Variants in CA10 observed in about 807,000 individuals in gnomAD.
CA10 encodes the protein carbonic anhydrase-related protein 10.
In CA10, 14 loss-of-function variants were observed where a neutral mutation model predicts 44.2. The ratio of observed to expected loss-of-function variants is 0.32; its 90% CI spans 0.21 to 0.50. CA10 has a LOEUF of 0.50. CA10 is among the 20% of genes least tolerant of loss of function. CA10 has a pLI of 0.99. For missense variants in CA10, 350 were observed against 409.7 expected (o/e 0.85, Z 1.26); for synonymous variants, 159 against 141.6 (o/e 1.12, Z -0.87).
In CA10 at chr17:51,895,659, A is replaced by C. The variant is rs143237011; in HGVS notation, c.279+35331T>G. ...AAGAGGCACAAAGTAAAAAATTAAC[A>C]ATCTGGAACCAAAATTCAAGATAAT... On this transcript the variant is annotated intron_variant, in intron 3 of 8. Coordinates refer to ENST00000451037, the MANE Select transcript of CA10 (RefSeq NM_020178.5). 2.7e-3 allele frequency among the ~76,000 whole-genome samples: 407 copies of C among 152,248 alleles called. 1 individual carries two copies. The highest frequency in any genetic ancestry group is 8.9e-3 in the African/African-American group (371 of 41,568).
chr17:51,676,281 G>C (rs1275617963), intron 4 of CA10, among the ~76,000 whole-genome samples: 1 of 152,210 alleles, frequency 6.6e-6, no homozygotes, highest in Admixed American at 6.5e-5. Flanking sequence ...AGTGTACTTG[G>C]AGGGTGAACA....
intron 3 of CA10, among the ~76,000 whole-genome samples, chr17:51,857,159 T>C (rs1335599873): frequency 6.6e-6 from 1 of 152,230 alleles, no homozygotes; most frequent in Non-Finnish European, 1.5e-5. Flanking sequence ...ATATATTCCA[T>C]GATAATATTT....
chr17:51,732,835 T>C (rs1916769180), intron 4 of CA10, among the ~76,000 whole-genome samples: 1 of 151,984 alleles, frequency 6.6e-6, no homozygotes. Context: ...CTGCCCTCTA[T>C]ATACACAGAA....
At chr17:52,009,924 C>A (rs1985726911) in intron 2 of CA10, among the ~76,000 whole-genome samples, 1 of 151,806 alleles carries the variant, frequency 6.6e-6, no homozygotes, top group African/African-American at 2.4e-5. Flanking sequence ...GCAATCCTAT[C>A]AAAAAGTGGG....
At chr17:51,998,275 TATA>T (rs1567914047) in intron 2 of CA10, among the ~76,000 whole-genome samples, 1 of 152,100 alleles carries the variant, frequency 6.6e-6, no homozygotes, top group African/African-American at 2.4e-5. Context: ...ATGAAAGTAG[TATA>T]ATAATTTTGT....
At chr17:51,888,033 AAAAACAAAAAC>A (rs1980691024) in intron 3 of CA10, among the ~76,000 whole-genome samples, 2 of 151,950 alleles carry the variant, frequency 1.3e-5, no homozygotes, top group Admixed American at 1.3e-4. Context: ...TCAAGAAAAC[AAAAACAAAAAC>A]AAAACAAAAC....
At position 51,972,189 on chromosome 17, in the gene CA10, T is replaced by C. The variant is rs1032900971; in HGVS notation, c.137-41057A>G. Among the ~76,000 whole-genome samples, 17 of 152,208 alleles carry C rather than the reference T, an allele frequency of 1.1e-4. No individual in the cohort carries two copies. The East Asian group carries it at 3.3e-3, about 29-fold the overall frequency. On this transcript the variant is annotated intron_variant, in intron 2 of 8. Coordinates refer to ENST00000451037, the MANE Select transcript of CA10 (RefSeq NM_020178.5). ...CAAGATTACAGAAGAAATGTGAGAT[T>C]ACTCAGTTCTTTCTTTTTTCTGGTC...
intron 1 of CA10, among the ~76,000 whole-genome samples, chr17:52,116,575 T>G (rs1018289662): frequency 6.6e-6 from 1 of 152,112 alleles, no homozygotes; most frequent in Non-Finnish European, 1.5e-5. Context: ...AATAAAAAGA[T>G]GGAAGAAGGA....
intron 4 of CA10, among the ~76,000 whole-genome samples, chr17:51,713,484 T>C (rs933845795): frequency 1.3e-5 from 2 of 152,242 alleles, no homozygotes; most frequent in South Asian, 4.1e-4. Context: ...CCTGAAAAAA[T>C]ACAAATTTTG....
intron 3 of CA10, among the ~76,000 whole-genome samples, chr17:51,831,152 G>A (rs1343300574): frequency 6.6e-6 from 1 of 152,226 alleles, no homozygotes; most frequent in Non-Finnish European, 1.5e-5. Context: ...CAGAACTGGA[G>A]CTGAGAGCAA....
chr17:51,787,773 C>A (rs560913994), intron 3 of CA10, among the ~76,000 whole-genome samples: 1 of 152,290 alleles, frequency 6.6e-6, no homozygotes, highest in South Asian at 2.1e-4. Context: ...GGATTACAGG[C>A]GTAAGCCACT....
chr17:51,879,914 T>G (rs1422441955), intron 3 of CA10, among the ~76,000 whole-genome samples: 1 of 152,236 alleles, frequency 6.6e-6, no homozygotes, highest in Admixed American at 6.5e-5. Flanking sequence ...ATTTTCTGTA[T>G]GCTTTGATAT....
chr17:51,793,039 G>A (rs1906581062), intron 3 of CA10, among the ~76,000 whole-genome samples: 1 of 152,176 alleles, frequency 6.6e-6, no homozygotes, highest in African/African-American at 2.4e-5. Context: ...GATGGTTGTG[G>A]TGAGGTCCAT....
intron 3 of CA10, among the ~76,000 whole-genome samples, chr17:51,827,912 A>T (rs1908090039): frequency 1.3e-5 from 2 of 151,176 alleles, no homozygotes; most frequent in South Asian, 4.2e-4. Flanking sequence ...GGCCCATAAA[A>T]CTCTCCCCTT....
intron 2 of CA10, among the ~76,000 whole-genome samples, chr17:52,044,966 G>A (rs891366011): frequency 2.6e-5 from 4 of 151,576 alleles, no homozygotes; most frequent in South Asian, 2.1e-4. Flanking sequence ...AATCCAAGAA[G>A]CTCAATGAAC....
chr17:52,019,548 A>G (rs1199198372), intron 2 of CA10, among the ~76,000 whole-genome samples: 1 of 152,116 alleles, frequency 6.6e-6, no homozygotes, highest in Non-Finnish European at 1.5e-5. Flanking sequence ...ATCCAAGCAT[A>G]CACTTTATAA....
chr17:52,126,378 C>T (rs548613573), intron 1 of CA10, among the ~76,000 whole-genome samples: 35 of 152,182 alleles, frequency 2.3e-4, no homozygotes, highest in Admixed American at 3.9e-4. Context: ...TTTCCAAGAG[C>T]CAACACATGA....
intron 3 of CA10, among the ~76,000 whole-genome samples, chr17:51,788,205 C>G (rs1436562249): frequency 6.6e-6 from 1 of 152,076 alleles, no homozygotes; most frequent in Non-Finnish European, 1.5e-5. Flanking sequence ...TTTATTGATC[C>G]TCTGGTCATT....
intron 4 of CA10, among the ~76,000 whole-genome samples, chr17:51,711,272 G>A (rs1040986992): frequency 6.6e-6 from 1 of 152,072 alleles, no homozygotes; most frequent in South Asian, 2.1e-4. Flanking sequence ...TCCTATCAGC[G>A]GGTGTGTTGT....
Sources: gnomAD v4.1 joint callset for allele counts (sites outside exome capture counted in the v4.1 genomes callset) on GRCh38, gnomAD v4.1.1 for gene constraint, MANE v1.5 for transcripts, NCBI Gene and HGNC (gene_info 2026-07-23, HGNC 2026-07-21) for gene names.